The following KIAA1328 variants were observed in gnomAD, a reference collection of about 807,000 sequenced individuals.
KIAA1328 encodes KIAA1328.
A neutral mutation model predicts 68.1 loss-of-function variants in KIAA1328; 52 were observed. The ratio of observed to expected loss-of-function variants is 0.76; its 90% CI spans 0.61 to 0.96. The LOEUF is 0.96. Ranked by LOEUF, KIAA1328 falls within the 40% of genes least tolerant of loss-of-function variation. The pLI, the probability that KIAA1328 is intolerant of heterozygous loss-of-function variation, is 0.00. For synonymous variants in KIAA1328, 232 were observed against 239.4 expected, an observed-to-expected ratio of 0.97 and a Z score of 0.28; for missense variants, 641 against 677.6, an observed-to-expected ratio of 0.95 and a Z score of 0.60.
intron 9 of KIAA1328, among the ~76,000 whole-genome samples, chr18:37,218,589 T>C (rs2060493964): frequency 6.6e-6 from 1 of 152,220 alleles, no homozygotes; most frequent in East Asian, 1.9e-4. Flanking sequence ...TACCCTTTCT[T>C]CCACTCGATG....
chr18:37,097,859 G>A (rs1294978184), intron 7 of KIAA1328, among the ~76,000 whole-genome samples: 1 of 152,162 alleles, frequency 6.6e-6, no homozygotes, highest in Non-Finnish European at 1.5e-5. Context: ...GTTCACTCAT[G>A]ATTTGGCTGT....
chr18:37,019,625 A>G (rs971093918), intron 6 of KIAA1328, among the ~76,000 whole-genome samples: 8 of 152,258 alleles, frequency 5.3e-5, no homozygotes, highest in Non-Finnish European at 8.8e-5. Flanking sequence ...GGGGATGGGC[A>G]GCAACTTACA....
chr18:37,115,046 C>T (rs2058062414), intron 7 of KIAA1328, among the ~76,000 whole-genome samples: 1 of 152,096 alleles, frequency 6.6e-6, no homozygotes. Context: ...AAAAAAAGTC[C>T]AGGACCAGAC....
chr18:37,019,648 G>A (rs925774422), intron 6 of KIAA1328, among the ~76,000 whole-genome samples: 1 of 152,222 alleles, frequency 6.6e-6, no homozygotes, highest in African/African-American at 2.4e-5. Flanking sequence ...CTTAATCCAA[G>A]TGGGTGTTCC....
At chr18:37,157,984 C>A (rs1455278612) in intron 7 of KIAA1328, among the ~76,000 whole-genome samples, 1 of 151,778 alleles carries the variant, frequency 6.6e-6, no homozygotes, top group African/African-American at 2.4e-5. Flanking sequence ...TATTCTCATG[C>A]TGTTGTTCAT....
At chr18:37,006,666 C>T (rs167729) in intron 6 of KIAA1328, among the ~76,000 whole-genome samples, 111,275 of 151,876 alleles carry the variant, frequency 0.73, 43,903 homozygotes, top group South Asian at 0.89. Context: ...TATCCCTCCC[C>T]GCTCCCCCAA....
At chr18:37,036,001 T>C (rs1292663641) in intron 6 of KIAA1328, among the ~76,000 whole-genome samples, 3 of 152,244 alleles carry the variant, frequency 2.0e-5, no homozygotes, top group Admixed American at 1.3e-4. Flanking sequence ...CAAATCAAAG[T>C]ATGCCTTCAG....
chr18:37,193,471 G>A, intron 9 of KIAA1328: 1 of 634,396 alleles, frequency 1.6e-6, no homozygotes, highest in Non-Finnish European at 2.8e-6. Context: ...CTACCAAAAA[G>A]GTTAAGAAAA....
intron 7 of KIAA1328, among the ~76,000 whole-genome samples, chr18:37,155,721 C>G (rs370294083): frequency 1.3e-5 from 2 of 152,138 alleles, no homozygotes; most frequent in Non-Finnish European, 2.9e-5. Flanking sequence ...AGAGTTCAAG[C>G]CCCTCAGCAT....
intron 4 of KIAA1328, among the ~76,000 whole-genome samples, chr18:36,851,172 G>A (rs921185494): frequency 2.0e-5 from 3 of 152,050 alleles, no homozygotes; most frequent in African/African-American, 7.2e-5. Flanking sequence ...AATTGGTTAT[G>A]TTATAAAATC....
chr18:37,228,639 C>A (rs1189776721), downstream of KIAA1328, among the ~76,000 whole-genome samples: 1 of 151,866 alleles, frequency 6.6e-6, no homozygotes, highest in Non-Finnish European at 1.5e-5. Flanking sequence ...ACCAACATGG[C>A]GAAACCCCGT....
intron 5 of KIAA1328, among the ~76,000 whole-genome samples, chr18:36,939,626 C>T (rs558350923): frequency 1.2e-4 from 18 of 152,160 alleles, no homozygotes; most frequent in East Asian, 5.8e-4. Context: ...TCCAGCACTA[C>T]GTTGAATAAA....
intron 7 of KIAA1328, among the ~76,000 whole-genome samples, chr18:37,137,757 A>G (rs1220264742): frequency 1.3e-5 from 2 of 151,892 alleles, no homozygotes; most frequent in East Asian, 1.9e-4. Context: ...CTCCTTCTCA[A>G]TAGACCTCTT....
intron 6 of KIAA1328, among the ~76,000 whole-genome samples, chr18:37,062,745 G>A (rs1457227380): frequency 6.6e-6 from 1 of 152,126 alleles, no homozygotes; most frequent in Non-Finnish European, 1.5e-5. Context: ...GTGAGCCACC[G>A]CGCCCGGCCA....
At chr18:37,000,336 A>T (rs2053543147) in intron 6 of KIAA1328, among the ~76,000 whole-genome samples, 1 of 152,180 alleles carries the variant, frequency 6.6e-6, no homozygotes, top group African/African-American at 2.4e-5. Context: ...TGTATCCAAC[A>T]TTGGAGCACT....
chr18:36,858,575 T>C (rs72885273), intron 4 of KIAA1328, among the ~76,000 whole-genome samples: 20,765 of 152,240 alleles, frequency 0.14, 1,757 homozygotes, highest in Admixed American at 0.18. Context: ...CCTTAACCTA[T>C]TCCCATTCCA....
At chr18:36,984,290 T>A (rs1276714870) in intron 6 of KIAA1328, among the ~76,000 whole-genome samples, 7 of 152,002 alleles carry the variant, frequency 4.6e-5, no homozygotes, top group Non-Finnish European at 1.0e-4. Context: ...ATAAAAGACA[T>A]CCAAATTGAG....
At chr18:37,203,649 G>T (rs1195631698) in intron 9 of KIAA1328, among the ~76,000 whole-genome samples, 1 of 152,158 alleles carries the variant, frequency 6.6e-6, no homozygotes, top group South Asian at 2.1e-4. Flanking sequence ...GGTCTGTGAG[G>T]ATAACATCTG....
chr18:36,841,040 G>A (rs1414551692), intron 3 of KIAA1328, among the ~76,000 whole-genome samples: 1 of 152,080 alleles, frequency 6.6e-6, no homozygotes, highest in Non-Finnish European at 1.5e-5. Flanking sequence ...CATGCAATCT[G>A]AGATAAGTGT....
Sources: allele counts gnomAD v4.1 joint callset (sites outside exome capture counted in the v4.1 genomes callset), GRCh38; gene constraint gnomAD v4.1.1; transcripts MANE v1.5; gene names NCBI Gene and HGNC (gene_info 2026-07-23, HGNC 2026-07-21).